The following PTPRK variants were observed in gnomAD, a reference collection of about 807,000 sequenced individuals.
PTPRK encodes the protein protein tyrosine phosphatase receptor type K, also known as receptor-type tyrosine-protein phosphatase kappa.
PTPRK carries 75 observed loss-of-function variants against 178.0 expected under a neutral mutation model. That is an observed-to-expected ratio of 0.42 (90% CI 0.35 to 0.51). The LOEUF (loss-of-function observed/expected upper bound fraction) is 0.51. PTPRK is among the 20% of genes least tolerant of loss of function. PTPRK has a pLI of 0.02. For synonymous variants in PTPRK, 637 were observed against 620.6 expected (o/e 1.03, Z -0.39); for missense variants, 1,441 against 1,797.8 (o/e 0.80, Z 3.59).
At chr6:128,422,960 A>T (rs1843672046) in intron 1 of PTPRK, among the ~76,000 whole-genome samples, 1 of 152,212 alleles carries the variant, frequency 6.6e-6, no homozygotes, top group Non-Finnish European at 1.5e-5. Context: ...AATCACATGA[A>T]TATATCTGCC....
intron 3 of PTPRK, among the ~76,000 whole-genome samples, chr6:128,304,767 C>T (rs1226872460): frequency 3.3e-5 from 5 of 152,190 alleles, no homozygotes; most frequent in Admixed American, 6.5e-5. Context: ...AGTTCATTTT[C>T]ACATACAATC....
intron 5 of PTPRK, among the ~76,000 whole-genome samples, chr6:128,223,273 A>G (rs955050352): frequency 6.6e-6 from 1 of 151,994 alleles, no homozygotes; most frequent in African/African-American, 2.4e-5. Flanking sequence ...AGTCACATAA[A>G]TCCTCCTTAG....
chr6:128,500,750 G>A (rs957904226), intron 1 of PTPRK: 3 of 152,150 alleles, frequency 2.0e-5, no homozygotes, highest in Admixed American at 6.6e-5. Context: ...AGTACTAACT[G>A]AGAAGAGTTA....
In PTPRK at chr6:128,111,005, C is replaced by T. The variant is rs80282623; in HGVS notation, c.1163-21013G>A. Among the ~76,000 whole-genome samples the T allele has an allele frequency of 6.6e-5, 10 of 152,182 alleles. No individual in the cohort carries two copies. The East Asian group carries it at 1.9e-3, about 29-fold the overall frequency. ...TATCACCACGTCTGATGGTGAGGAT[C>T]GGCAGTTCAAATGACACAATTGTTG... On this transcript the variant is annotated intron_variant, in intron 7 of 29. Transcript: ENST00000368226.
intron 1 of PTPRK, among the ~76,000 whole-genome samples, chr6:128,513,493 A>AAAAAGAAAGAAAGAAAGAAAGAAAGAAAG (rs796327188): frequency 1.9e-4 from 29 of 150,328 alleles, no homozygotes; most frequent in African/African-American, 7.2e-4. Context: ...CAAAAAAAAA[A>AAAAAGAAAGAAAGAAAGAAAGAAAGAAAG]AAAGAAAGAA....
At chr6:128,398,905 G>T (rs537224746) in intron 1 of PTPRK, among the ~76,000 whole-genome samples, 65 of 152,080 alleles carry the variant, frequency 4.3e-4, no homozygotes, top group Admixed American at 9.8e-4. Flanking sequence ...AAAGTAGAAG[G>T]ATTATTTTTG....
chr6:128,052,931 G>T (rs1779271059), intron 13 of PTPRK, among the ~76,000 whole-genome samples: 1 of 152,024 alleles, frequency 6.6e-6, no homozygotes, highest in South Asian at 2.1e-4. Flanking sequence ...CTCTTGCTAT[G>T]CCCTCATTAT....
At chr6:128,088,397 G>GA (rs893349032) in intron 8 of PTPRK, among the ~76,000 whole-genome samples, 1 of 150,074 alleles carries the variant, frequency 6.7e-6, no homozygotes, top group African/African-American at 2.4e-5. Context: ...GAAAAGAAAA[G>GA]AAAAAAAATG....
chr6:128,428,913 C>A (rs1464288922), intron 1 of PTPRK, among the ~76,000 whole-genome samples: 1 of 152,110 alleles, frequency 6.6e-6, no homozygotes, highest in Non-Finnish European at 1.5e-5. Context: ...GATGACTTTG[C>A]CCAACTGTAG....
At position 128,470,816 on chromosome 6, in the gene PTPRK, T is replaced by C. The variant is rs560836964; in HGVS notation, c.100+49443A>G. Reference sequence around the variant, plus strand: ...TGCAAACTATTACAAGTCTGGGCTATACAGCTTAACATCCACAGTTAAAAA... The same window carrying C: ...TGCAAACTATTACAAGTCTGGGCTACACAGCTTAACATCCACAGTTAAAAA... On this transcript the variant is annotated intron_variant, in intron 1 of 29. Coordinates refer to ENST00000368226, the MANE Select transcript of PTPRK (RefSeq NM_002844.4). Among the ~76,000 whole-genome samples the C allele has an allele frequency of 2.0e-5, 3 of 146,522 alleles. No homozygotes were observed. The South Asian group carries it at 6.6e-4, about 32-fold the overall frequency.
chr6:128,250,713 A>T (rs1377850350), intron 3 of PTPRK, among the ~76,000 whole-genome samples: 1 of 152,222 alleles, frequency 6.6e-6, no homozygotes, highest in African/African-American at 2.4e-5. Context: ...ATTTCTGCTG[A>T]TAGGCCCCAG....
chr6:128,425,229 C>T (rs1351636014), intron 1 of PTPRK, among the ~76,000 whole-genome samples: 4 of 152,034 alleles, frequency 2.6e-5, no homozygotes, highest in Non-Finnish European at 5.9e-5. Context: ...AGGCATGTGT[C>T]ACCATGCCCA....
intron 2 of PTPRK, among the ~76,000 whole-genome samples, chr6:128,392,751 A>C (rs1254203869): frequency 1.1e-4 from 1 of 8,844 alleles, no homozygotes; most frequent in East Asian, 0.056. Flanking sequence ...GTCAAAAACA[A>C]AAAGAGAGAA....
Position 127,986,020 on chromosome 6 carries a change from AT to A in PTPRK, c.3097-146del, listed in dbSNP as rs1411714393. 20 of 699,086 alleles carry A rather than the reference AT, an allele frequency of 2.9e-5. 1 individual carries two copies. The South Asian group carries it at 5.0e-4, about 18-fold the overall frequency. The allele number at this position is 699,086 out of a possible 1,614,324, so 43.3% of individuals were successfully genotyped here. A position where few individuals can be genotyped will look rare whatever the true frequency, so the allele number is the denominator to read the frequency against. ...GACTATGCCTTTTCTTAAAAAAAAAATATAATAAAATGAAGGCCTAACATGG... is the reference window on the plus strand; with the variant it reads ...GACTATGCCTTTTCTTAAAAAAAAAAATAATAAAATGAAGGCCTAACATGG... On this transcript the variant is annotated intron_variant, in intron 21 of 29. Transcript: ENST00000368226.
intron 3 of PTPRK, among the ~76,000 whole-genome samples, chr6:128,298,811 A>G (rs1824986215): frequency 6.6e-6 from 1 of 152,172 alleles, no homozygotes; most frequent in African/African-American, 2.4e-5. Flanking sequence ...AACTGGCACA[A>G]GACAGGGATG....
At chr6:128,102,594 G>A (rs1462546978) in intron 7 of PTPRK, among the ~76,000 whole-genome samples, 1 of 152,112 alleles carries the variant, frequency 6.6e-6, no homozygotes, top group African/African-American at 2.4e-5. Flanking sequence ...TCAAATTGCC[G>A]TATTTATCTA....
chr6:128,105,901 T>G (rs1355867817), intron 7 of PTPRK, among the ~76,000 whole-genome samples: 1 of 152,208 alleles, frequency 6.6e-6, no homozygotes, highest in African/African-American at 2.4e-5. Flanking sequence ...GCTTTTAATT[T>G]TACCACTCCG....
intron 2 of PTPRK, among the ~76,000 whole-genome samples, chr6:128,333,985 G>A (rs1054049889): frequency 2.0e-5 from 3 of 152,132 alleles, no homozygotes; most frequent in African/African-American, 4.8e-5. Context: ...ATATTGTTGT[G>A]TCTCAGAGAA....
intron 5 of PTPRK, among the ~76,000 whole-genome samples, chr6:128,233,172 T>C (rs1349975163): frequency 1.3e-5 from 2 of 152,186 alleles, no homozygotes; most frequent in African/African-American, 4.8e-5. Flanking sequence ...CAAATGGCAA[T>C]ATAAATAAGC....
Sources: gnomAD v4.1 joint callset for allele counts (sites outside exome capture counted in the v4.1 genomes callset) on GRCh38, gnomAD v4.1.1 for gene constraint, MANE v1.5 for transcripts, NCBI Gene and HGNC (gene_info 2026-07-23, HGNC 2026-07-21) for gene names.